Variants in PHTF1 observed in about 807,000 individuals in gnomAD.
PHTF1 encodes the protein protein PHTF1.
PHTF1 carries 88 observed loss-of-function variants against 102.4 expected under a neutral mutation model. The ratio of observed to expected loss-of-function variants is 0.86; its 90% CI spans 0.72 to 1.03. The LOEUF is 1.03. Ranked by LOEUF, PHTF1 falls within the 50% of genes least tolerant of loss-of-function variation. The pLI is 0.00. For missense variants in PHTF1, 814 were observed against 909.5 expected (o/e 0.89, Z 1.35); for synonymous variants, 289 against 305.2 (o/e 0.95, Z 0.55).
intron 2 of PHTF1, among the ~76,000 whole-genome samples, chr1:113,758,064 A>G (rs1557984250): frequency 6.6e-6 from 1 of 152,026 alleles, no homozygotes; most frequent in Non-Finnish European, 1.5e-5. Flanking sequence ...CCTGACCAAC[A>G]TGGTGAAACC....
chr1:113,704,448 G>A (rs1649818551), intron 14 of PHTF1, among the ~76,000 whole-genome samples: 1 of 152,048 alleles, frequency 6.6e-6, no homozygotes, highest in Admixed American at 6.5e-5. Flanking sequence ...TTTGCCCCTA[G>A]GAAATTTAGA....
At chr1:113,701,512 T>C (rs895528662) in intron 15 of PHTF1, among the ~76,000 whole-genome samples, 6 of 152,094 alleles carry the variant, frequency 3.9e-5, no homozygotes, top group Non-Finnish European at 5.9e-5. Context: ...CAAAGTAAGA[T>C]GGAATTTACT....
At chr1:113,698,423 T>C (rs1649039711) in intron 17 of PHTF1, 36 bp from the exon 18 acceptor site, 6 of 1,593,332 alleles carry the variant, frequency 3.8e-6, no homozygotes, top group Non-Finnish European at 4.3e-6. Context: ...ATGAGATACA[T>C]GTTTTCTCAT....
intron 7 of PHTF1, among the ~76,000 whole-genome samples, chr1:113,721,470 T>C (rs1421756902): frequency 2.6e-5 from 4 of 152,302 alleles, no homozygotes; most frequent in Admixed American, 1.3e-4. Context: ...CCCACTTTCA[T>C]CACTGTTATT....
chr1:113,758,958 G>T, intron 1 of PHTF1, 65 bp downstream of exon 1: 6 of 1,139,858 alleles, frequency 5.3e-6, no homozygotes, highest in Non-Finnish European at 6.4e-6. Flanking sequence ...GCGGGGGAGG[G>T]GCAGGGGCCG....
At chr1:113,741,101 T>C (rs192460886) in intron 3 of PHTF1, among the ~76,000 whole-genome samples, 111 of 152,318 alleles carry the variant, frequency 7.3e-4, no homozygotes, top group African/African-American at 2.5e-3. Flanking sequence ...AATTAGATAT[T>C]CAATCACTAA....
At chr1:113,709,670 C>G (rs898946575) in intron 11 of PHTF1, among the ~76,000 whole-genome samples, 1 of 152,148 alleles carries the variant, frequency 6.6e-6, no homozygotes, top group Non-Finnish European at 1.5e-5. Flanking sequence ...ATGCTATGTA[C>G]TTTATATTAT....
chr1:113,730,601 CAA>C (rs1442496187), intron 5 of PHTF1, among the ~76,000 whole-genome samples: 3 of 152,096 alleles, frequency 2.0e-5, no homozygotes, highest in African/African-American at 4.8e-5. Context: ...GAATTGATGA[CAA>C]AGAGTTTAAT....
chr1:113,717,679 C>A (rs886509330), intron 7 of PHTF1, among the ~76,000 whole-genome samples: 5 of 152,004 alleles, frequency 3.3e-5, no homozygotes, highest in African/African-American at 1.2e-4. Flanking sequence ...AGAATCATGG[C>A]GGGAGGTAAA....
chr1:113,759,042 G>C lies in PHTF1; in HGVS notation c.-50C>G. ...TCTCACCTAGTGCCCGTTGCCCCGC[G>C]GGCCGGCGCCCGGGACCTCCGTCCT... is the stretch of plus-strand genomic sequence containing the variant. On this transcript the variant is annotated 5_prime_UTR_variant, in exon 1 of 19. Transcript: ENST00000369604. 9.8e-7 allele frequency: 1 copy of C among 1,016,704 alleles called. No individual in the cohort carries two copies. The highest frequency in any genetic ancestry group is 1.2e-6 in the Non-Finnish European group (1 of 851,004). The allele number at this position is 1,016,704 out of a possible 1,614,324, so 63.0% of individuals were successfully genotyped here. A position where few individuals can be genotyped will look rare whatever the true frequency, so the allele number is the denominator to read the frequency against.
At chr1:113,712,444 A>AAT (rs1651275342) in intron 8 of PHTF1, among the ~76,000 whole-genome samples, 5 of 152,310 alleles carry the variant, frequency 3.3e-5, no homozygotes, top group Admixed American at 3.3e-4. Flanking sequence ...CCTCATCTAA[A>AAT]AAGAAATTAT....
intron 7 of PHTF1, among the ~76,000 whole-genome samples, chr1:113,724,113 G>A (rs1004495867): frequency 8.5e-5 from 13 of 152,236 alleles, no homozygotes; most frequent in Non-Finnish European, 1.6e-4. Context: ...AAAGACAGAC[G>A]ATAACAAATG....
In PHTF1 at chr1:113,758,691, C is replaced by T. The variant is rs1159370763; in HGVS notation, c.13G>A (p.Glu5Lys). The T allele has an allele frequency of 3.1e-6, 5 of 1,610,306 alleles. No homozygotes were observed. The highest frequency in any genetic ancestry group is 4.2e-6 in the Non-Finnish European group (5 of 1,177,734). ...TGGTACCACGATATAGCATCTCTCT[C>T]ATTTGAGGCCATCTGTGTCTCCAGC... MASNERDAISWYQKK... is the reference protein window; with the variant it reads MASNKRDAISWYQKK... The change falls in exon 2 of 19, where the codon GAG (glutamate) becomes AAG (lysine). Residue 5 changes from glutamate to lysine, a missense_variant. Glu to Lys is a moderately conservative substitution (Grantham distance 56). Coordinates refer to ENST00000369604, the MANE Select transcript of PHTF1 (RefSeq NM_001323043.2).
At chr1:113,720,630 G>A (rs1469579063) in intron 7 of PHTF1, among the ~76,000 whole-genome samples, 1 of 152,206 alleles carries the variant, frequency 6.6e-6, no homozygotes, top group Admixed American at 6.5e-5. Context: ...CTGCTTTCAT[G>A]GGCTGGTGTT....
chr1:113,707,255 G>A (rs923620461), intron 11 of PHTF1, among the ~76,000 whole-genome samples: 3 of 151,884 alleles, frequency 2.0e-5, no homozygotes, highest in Non-Finnish European at 4.4e-5. Context: ...TGACTGAGGA[G>A]TTAAGTCTGT....
chr1:113,753,005 T>G (rs1658321465), intron 3 of PHTF1, among the ~76,000 whole-genome samples: 1 of 152,226 alleles, frequency 6.6e-6, no homozygotes, highest in African/African-American at 2.4e-5. Flanking sequence ...GCATTGAATT[T>G]TGTTAAATGC....
At position 113,757,885 on chromosome 1, in the gene PHTF1, T is replaced by G; in HGVS notation, c.46-130A>C. 3 of 647,228 alleles carry G rather than the reference T, an allele frequency of 4.6e-6. No individual in the cohort carries two copies. The South Asian group carries it at 5.4e-5, about 12-fold the overall frequency. 40.1% of individuals were successfully genotyped at this position (647,228 alleles called of 1,614,324 possible). On this transcript the variant is annotated intron_variant, in intron 2 of 18. Transcript: ENST00000369604. ...TGTGGAAAATATGCTTCTCAAAAGT[T>G]AGAATAAATCAATACTTCGAAGGAC...
At chr1:113,702,719 A>T (rs1294704724) in intron 15 of PHTF1, among the ~76,000 whole-genome samples, 4 of 152,230 alleles carry the variant, frequency 2.6e-5, no homozygotes, top group Non-Finnish European at 5.9e-5. Context: ...TATGAGAGAC[A>T]CACCTAAAAT....
chr1:113,703,712 A>G (rs1281959271), intron 15 of PHTF1: 1 of 167,702 alleles, frequency 6.0e-6, no homozygotes, highest in Non-Finnish European at 1.3e-5. Context: ...ACATGATTCC[A>G]CAGTATAATA....
Sources: gnomAD v4.1 joint callset for allele counts (sites outside exome capture counted in the v4.1 genomes callset) on GRCh38, gnomAD v4.1.1 for gene constraint, MANE v1.5 for transcripts, NCBI Gene and HGNC (gene_info 2026-07-23, HGNC 2026-07-21) for gene names.